PIWIL4: variants seen among roughly 807,000 people sequenced by gnomAD.
PIWIL4 encodes piwi like RNA-mediated gene silencing 4, also known as piwi-like protein 4.
PIWIL4 carries 50 observed loss-of-function variants against 100.9 expected under a neutral mutation model. That is an observed-to-expected ratio of 0.50 (90% CI 0.39 to 0.63). The LOEUF is 0.63. Among genes scored for constraint, PIWIL4 ranks in the 20% least tolerant of loss-of-function variants. The pLI is 0.00. For synonymous variants in PIWIL4, 342 were observed against 367.5 expected (o/e 0.93, Z 0.79); for missense variants, 887 against 1,043.3 (o/e 0.85, Z 2.06).
Position 94,619,896 on chromosome 11 carries a change from C to T in PIWIL4, c.2294+11C>T. On this transcript the variant is annotated intron_variant, in intron 18 of 19. Coordinates refer to ENST00000299001, the MANE Select transcript of PIWIL4 (RefSeq NM_152431.3). ...AACACGTAACGAATGGCAAGTGCCG[C>T]TGGAAAATCAATTTTTAACAAAACA... 5 of 1,614,170 alleles carry T rather than the reference C, an allele frequency of 3.1e-6. No homozygotes were observed. Among genetic ancestry groups the T allele is most frequent in the Non-Finnish European group, 4.2e-6 (5 of 1,180,028 alleles).
rs148231264 is a variant in PIWIL4, at chr11:94,611,529, GATTGATATAGTTTGTTCAAAT to G, written c.1943+2859_1943+2879del. ...ATGATGGTCAGACAATAGTAAGCTT[GATTGATATAGTTTGTTCAAAT>G]ATTGATATAGTTTGTCCCCTCCAAA... On this transcript the variant is annotated intron_variant, in intron 15 of 19. Coordinates refer to ENST00000299001, the MANE Select transcript of PIWIL4 (RefSeq NM_152431.3). Among the ~76,000 whole-genome samples the G allele has an allele frequency of 4.4e-3, 665 of 152,220 alleles. 3 individuals carry two copies. The highest frequency in any genetic ancestry group is 0.014 in the African/African-American group (581 of 41,524).
Position 94,618,050 on chromosome 11 carries a change from T to A in PIWIL4, c.2111T>A (p.Ile704Asn). The change falls in exon 17 of 20, where the codon ATT becomes AAT. Residue 704 changes from isoleucine to asparagine, a missense_variant. Ile to Asn is a moderately radical substitution (Grantham distance 149, BLOSUM62 -3). Transcript: ENST00000299001. The stretch of plus-strand genomic sequence containing the variant: ...GGGGATGGTCAGCTGAAAACACTTA[T>A]TGAATATGAAGTCCCACAGCTGCTG... ...GVGDGQLKTL[I>N]EYEVPQLLSS... The A allele has an allele frequency of 6.2e-7, 1 of 1,606,050 alleles. No homozygotes were observed. The highest frequency in any genetic ancestry group is 8.5e-7 in the Non-Finnish European group (1 of 1,174,776).
At chr11:94,603,095 T>A (rs2135285527) in intron 12 of PIWIL4, among the ~76,000 whole-genome samples, 1 of 152,358 alleles carries the variant, frequency 6.6e-6, no homozygotes, top group South Asian at 2.1e-4. Flanking sequence ...GCATAGCTTC[T>A]GTCTTCTAAA....
intron 13 of PIWIL4, among the ~76,000 whole-genome samples, chr11:94,606,275 TGGAA>T (rs575481796): frequency 6.0e-4 from 92 of 152,336 alleles, no homozygotes; most frequent in African/African-American, 2.2e-3. Context: ...ACTCATGAAT[TGGAA>T]GGAAGGAAGG....
In PIWIL4 at chr11:94,619,897, T is replaced by G; in HGVS notation, c.2294+12T>G. On this transcript the variant is annotated intron_variant, in intron 18 of 19. Transcript: ENST00000299001. ...ACACGTAACGAATGGCAAGTGCCGCTGGAAAATCAATTTTTAACAAAACAT... is the reference window on the plus strand; with the variant it reads ...ACACGTAACGAATGGCAAGTGCCGCGGGAAAATCAATTTTTAACAAAACAT... 1 of 1,614,196 alleles carries G rather than the reference T, an allele frequency of 6.2e-7. No individual in the cohort carries two copies. The highest frequency in any genetic ancestry group is 8.5e-7 in the Non-Finnish European group (1 of 1,180,034).
intron 6 of PIWIL4, 100 bp downstream of exon 6, chr11:94,585,625 CTG>C: frequency 1.2e-6 from 1 of 801,500 alleles, no homozygotes; most frequent in Non-Finnish European, 1.9e-6. Context: ...GTGAGAGACT[CTG>C]TGATATGAAA....
At chr11:94,592,866 C>T (rs1948505451) in intron 8 of PIWIL4, among the ~76,000 whole-genome samples, 1 of 152,080 alleles carries the variant, frequency 6.6e-6, no homozygotes, top group African/African-American at 2.4e-5. Context: ...AAACCAGACC[C>T]CATGCTAGTG....
rs769342028 is a variant in PIWIL4, at chr11:94,598,705, C to CTTTTTTTTTTTTTTTTTTTTTT, written c.1380+811_1380+812insTTTTTTTTTTTTTTTTTTTTTT. Among the ~76,000 whole-genome samples, 2 of 110,086 alleles carry CTTTTTTTTTTTTTTTTTTTTTT rather than the reference C, an allele frequency of 1.8e-5. 1 individual carries two copies. The allele number at this position is 110,086 out of a possible 152,430, so 72.2% of individuals were successfully genotyped here. A position where few individuals can be genotyped will look rare whatever the true frequency, so the allele number is the denominator to read the frequency against. On this transcript the variant is annotated intron_variant, in intron 11 of 19. Coordinates refer to ENST00000299001, the MANE Select transcript of PIWIL4 (RefSeq NM_152431.3). ...GTAGAATGGGGGGAATTTTTTCCAT[C>CTTTTTTTTTTTTTTTTTTTTTT]TTTTTTTTTTTTTTTTTTTTTGAGA...
chr11:94,587,312 G>T, intron 7 of PIWIL4, 65 bp downstream of exon 7: 4 of 1,480,872 alleles, frequency 2.7e-6, no homozygotes, highest in Non-Finnish European at 3.7e-6. Flanking sequence ...TTGGGAATAG[G>T]AATAGTGTTG....
intron 15 of PIWIL4, among the ~76,000 whole-genome samples, chr11:94,614,589 A>G (rs1406511473): frequency 6.6e-6 from 1 of 152,164 alleles, no homozygotes; most frequent in East Asian, 1.9e-4. Context: ...GGTTACAGGC[A>G]TGAACCACTG....
At position 94,601,899 on chromosome 11, in the gene PIWIL4, T is replaced by G; in HGVS notation, c.1485T>G (p.Thr495=). The G allele has an allele frequency of 1.2e-6, 2 of 1,614,162 alleles. No homozygotes were observed. Among genetic ancestry groups the G allele is most frequent in the Admixed American group, 3.3e-5 (2 of 60,020 alleles). Residue 495 remains threonine, a synonymous_variant, in exon 12 of 20, where the codon ACT becomes ACG. Coordinates refer to ENST00000299001, the MANE Select transcript of PIWIL4 (RefSeq NM_152431.3). ...NTWLILCSDR[T]EYVAESFLNC... is the part of the protein sequence containing the mutation. Reference sequence around the variant, plus strand: ...GGTTGATTTTATGTAGCGACAGAACTGAATATGTTGCCGAGAGCTTTCTGA... The same window carrying G: ...GGTTGATTTTATGTAGCGACAGAACGGAATATGTTGCCGAGAGCTTTCTGA...
intron 2 of PIWIL4, among the ~76,000 whole-genome samples, chr11:94,574,575 C>G (rs1948211591): frequency 1.3e-5 from 2 of 152,184 alleles, no homozygotes; most frequent in South Asian, 4.1e-4. Context: ...CCATGGCTCA[C>G]TGCTACCCCC....
intron 5 of PIWIL4, among the ~76,000 whole-genome samples, 164 bp downstream of exon 5, chr11:94,583,733 T>C (rs1252387914): frequency 1.3e-5 from 2 of 152,200 alleles, no homozygotes; most frequent in East Asian, 1.9e-4. Flanking sequence ...TAATGTGCAA[T>C]GCAGCCCATT....
intron 1 of PIWIL4, among the ~76,000 whole-genome samples, chr11:94,567,977 A>C (rs1948098719): frequency 6.6e-6 from 1 of 152,092 alleles, no homozygotes; most frequent in African/African-American, 2.4e-5. Flanking sequence ...TAATTAGTAT[A>C]TAAAAATAAG....
chr11:94,594,152 T>C (rs189615838), intron 9 of PIWIL4, among the ~76,000 whole-genome samples: 2 of 152,274 alleles, frequency 1.3e-5, no homozygotes, highest in African/African-American at 4.8e-5. Flanking sequence ...GATGTGTATA[T>C]ATCTATTTTG....
rs71459740 is a variant in PIWIL4, at chr11:94,619,668, TTTTA to T, written c.2169-84_2169-81del. 8,724 of 1,356,984 alleles carry T rather than the reference TTTTA, an allele frequency of 6.4e-3. 355 individuals carry two copies. The African/African-American group carries it at 0.095, about 15-fold the overall frequency. The allele number at this position is 1,356,984 out of a possible 1,614,324, so 84.1% of individuals were successfully genotyped here. A position where few individuals can be genotyped will look rare whatever the true frequency, so the allele number is the denominator to read the frequency against. On this transcript the variant is annotated intron_variant, in intron 17 of 19. Transcript: ENST00000299001. ...TTTTGCAGTGTTTTTCAAATGGAAT[TTTTA>T]TTTATTTCATTTTTTAAATTACACA...
chr11:94,604,685 G>A (rs2135287911), intron 13 of PIWIL4, among the ~76,000 whole-genome samples: 1 of 152,244 alleles, frequency 6.6e-6, no homozygotes, highest in South Asian at 2.1e-4. Context: ...TATTTCCCAG[G>A]AATGTTTACT....
intron 3 of PIWIL4, 68 bp downstream of exon 3, chr11:94,575,198 G>A (rs540910649): frequency 4.0e-6 from 6 of 1,488,418 alleles, no homozygotes; most frequent in South Asian, 1.2e-5. Context: ...CCAAATTCTA[G>A]GTCTAAAATA....
At chr11:94,577,126 C>T (rs1948248115) in intron 3 of PIWIL4, 152 bp from the exon 4 acceptor site, 1 of 637,404 alleles carries the variant, frequency 1.6e-6, no homozygotes, top group African/African-American at 1.8e-5. Context: ...TATTAGGCTG[C>T]AAGTTTTAGG....
Sources: gnomAD v4.1 joint callset for allele counts (sites outside exome capture counted in the v4.1 genomes callset) on GRCh38, gnomAD v4.1.1 for gene constraint, MANE v1.5 for transcripts, NCBI Gene and HGNC (gene_info 2026-07-23, HGNC 2026-07-21) for gene names.